Variants in LIPI observed in about 807,000 individuals in gnomAD.
LIPI encodes the protein lipase member I.
A neutral mutation model predicts 50.6 loss-of-function variants in LIPI; 59 were observed. The observed-to-expected ratio is 1.16, with a 90% CI of 0.94 to 1.45. The LOEUF (loss-of-function observed/expected upper bound fraction) is 1.45, where lower values mean the gene tolerates loss of function less well. LIPI is among the 40% of genes most tolerant of loss of function. LIPI has a pLI of 0.00. For synonymous variants in LIPI, 203 were observed against 178.2 expected (o/e 1.14, Z -1.11); for missense variants, 586 against 536.3 (o/e 1.09, Z -0.92).
At chr21:14,118,249 A>C (rs1394096229) in intron 9 of LIPI, among the ~76,000 whole-genome samples, 1 of 152,110 alleles carries the variant, frequency 6.6e-6, no homozygotes, top group East Asian at 1.9e-4. Context: ...TTAGGCCCCA[A>C]GGAGCCTATG....
chr21:14,146,606 C>T (rs1344599529), intron 8 of LIPI, among the ~76,000 whole-genome samples: 1 of 152,026 alleles, frequency 6.6e-6, no homozygotes, highest in Non-Finnish European at 1.5e-5. Context: ...AAAGAAAAAT[C>T]CAACTGTGGC....
chr21:14,172,320 G>T (rs2018942479), intron 4 of LIPI, among the ~76,000 whole-genome samples: 1 of 152,096 alleles, frequency 6.6e-6, no homozygotes, highest in African/African-American at 2.4e-5. Context: ...GATTCCTCAG[G>T]GATCTAGAAC....
intron 1 of LIPI, among the ~76,000 whole-genome samples, chr21:14,196,054 G>A (rs967359308): frequency 2.7e-5 from 4 of 147,854 alleles, no homozygotes; most frequent in South Asian, 2.1e-4. Flanking sequence ...TATATGACCC[G>A]AAAAATTAAC....
At chr21:14,128,462 T>G (rs1454640769) in intron 9 of LIPI, among the ~76,000 whole-genome samples, 1 of 152,102 alleles carries the variant, frequency 6.6e-6, no homozygotes, top group Admixed American at 6.5e-5. Flanking sequence ...CAACTCTGGA[T>G]TTCTATTTCT....
chr21:14,170,329 A>G (rs1225874071), intron 4 of LIPI, among the ~76,000 whole-genome samples: 1 of 152,200 alleles, frequency 6.6e-6, no homozygotes, highest in Non-Finnish European at 1.5e-5. Flanking sequence ...ATTCCAATCA[A>G]TAGAAAAAGA....
At chr21:14,120,557 T>C (rs113661954) in intron 9 of LIPI, among the ~76,000 whole-genome samples, 3 of 152,242 alleles carry the variant, frequency 2.0e-5, no homozygotes, top group African/African-American at 7.2e-5. Context: ...GAGGAAGTGA[T>C]GAGACTACAG....
intron 9 of LIPI, among the ~76,000 whole-genome samples, chr21:14,139,380 A>T (rs1385614961): frequency 6.6e-6 from 1 of 152,100 alleles, no homozygotes; most frequent in African/African-American, 2.4e-5. Flanking sequence ...ATAGCCTTCA[A>T]TTGGGTTTAA....
chr21:14,160,947 G>A (rs1022084783), intron 7 of LIPI, among the ~76,000 whole-genome samples: 43 of 151,342 alleles, frequency 2.8e-4, no homozygotes, highest in African/African-American at 8.2e-4. Context: ...GTCAGAATGC[G>A]TAAGAATTTT....
At chr21:14,176,435 A>G (rs1006974673) in intron 4 of LIPI, among the ~76,000 whole-genome samples, 2 of 151,850 alleles carry the variant, frequency 1.3e-5, no homozygotes, top group Non-Finnish European at 2.9e-5. Flanking sequence ...ACTCAAAACT[A>G]TACATTAACT....
intron 9 of LIPI, among the ~76,000 whole-genome samples, chr21:14,135,457 A>C (rs1484689006): frequency 2.0e-5 from 3 of 152,202 alleles, no homozygotes; most frequent in African/African-American, 4.8e-5. Context: ...CCCCATCCCC[A>C]GGAGTGGCGG....
At chr21:14,176,175 CAAA>C (rs35536134) in intron 4 of LIPI, among the ~76,000 whole-genome samples, 5 of 111,642 alleles carry the variant, frequency 4.5e-5, no homozygotes, top group Non-Finnish European at 5.6e-5. Context: ...GACTCCGTCT[CAAA>C]AAAAAAAAAA....
rs2016300153 is a variant in LIPI at position 14,109,017 on chromosome 21, G to A, written c.1359C>T (p.Asn453=). ...CTTATGTGTTCTTTGGTGTACATGT[G>A]TTTGGATTAAGAAACACTTCCTCTC... ...KDREEVFLNP[N]TCTPKNT The change falls in exon 10 of 10, where the codon AAC becomes AAT. Residue 453 remains asparagine, a synonymous_variant. Coordinates refer to ENST00000681601, the MANE Select transcript of LIPI (RefSeq NM_001302998.2). 5 of 1,606,324 alleles carry A rather than the reference G, an allele frequency of 3.1e-6. No homozygotes were observed. The highest frequency in any genetic ancestry group is 1.7e-4 in the Middle Eastern group (1 of 6,044).
chr21:14,114,554 A>G (rs970421708), intron 9 of LIPI, among the ~76,000 whole-genome samples: 4 of 152,324 alleles, frequency 2.6e-5, no homozygotes, highest in African/African-American at 9.6e-5. Context: ...CCACTCCAGC[A>G]GCTGCCTCTG....
chr21:14,134,230 AAAAAACAAAAC>A (rs2017407391), intron 9 of LIPI, among the ~76,000 whole-genome samples: 2 of 152,284 alleles, frequency 1.3e-5, no homozygotes, highest in African/African-American at 2.4e-5. Flanking sequence ...GATTCTGTCA[AAAAAACAAAAC>A]AAAAACAAAA....
intron 4 of LIPI, among the ~76,000 whole-genome samples, chr21:14,167,556 C>T (rs777706769): frequency 4.6e-5 from 7 of 152,140 alleles, no homozygotes; most frequent in Non-Finnish European, 8.8e-5. Context: ...TCGCAGTTCA[C>T]GAAAATCCAC....
At position 14,186,042 on chromosome 21, in the gene LIPI, G is replaced by T. The variant is rs115706095; in HGVS notation, c.460C>A (p.His154Asn). The T allele has an allele frequency of 6.2e-7, 1 of 1,602,052 alleles. No individual in the cohort carries two copies. The highest frequency in any genetic ancestry group is 1.3e-5 in the African/African-American group (1 of 74,834). The change falls in exon 3 of 10, where the codon CAT (histidine) becomes AAT (asparagine). Residue 154 changes from histidine (H) to asparagine (N), a missense_variant. Coordinates refer to ENST00000681601, the MANE Select transcript of LIPI (RefSeq NM_001302998.2). ...LKHGASLDNF[H>N]FIGVSLGAHI... ...GCCCCTAAGCTCACACCTATGAAATGAAAATTGTCAAGAGATGCACCATGC... is the reference window on the plus strand; with the variant it reads ...GCCCCTAAGCTCACACCTATGAAATTAAAATTGTCAAGAGATGCACCATGC...
intron 4 of LIPI, among the ~76,000 whole-genome samples, chr21:14,171,652 T>C (rs2018912248): frequency 6.6e-6 from 1 of 151,412 alleles, no homozygotes; most frequent in Non-Finnish European, 1.5e-5. Flanking sequence ...CTGGGAAAAC[T>C]GGCTAGCCAT....
chr21:14,206,977 G>T lies in LIPI; in HGVS notation c.46+3823C>A, dbSNP rs1175698409. The T allele has an allele frequency of 4.2e-6, 5 of 1,197,720 alleles. No individual in the cohort carries two copies. In the African/African-American group the frequency reaches 7.5e-5, roughly 18 times the overall value. 74.2% of individuals were successfully genotyped at this position (1,197,720 alleles called of 1,614,324 possible). On this transcript the variant is annotated intron_variant, in intron 1 of 9. Transcript: ENST00000681601. ...CTCTTTGTTTATTCATGTATAATAA[G>T]AAGGAAGACCCTTTTGGGCCAGCAG...
At chr21:14,147,518 T>C in intron 8 of LIPI, among the ~76,000 whole-genome samples, 1 of 152,184 alleles carries the variant, frequency 6.6e-6, no homozygotes, top group East Asian at 1.9e-4. Context: ...ATCGTTGTTT[T>C]ATTTTTATTA....
Sources: allele counts gnomAD v4.1 joint callset (sites outside exome capture counted in the v4.1 genomes callset), GRCh38; gene constraint gnomAD v4.1.1; transcripts MANE v1.5; gene names NCBI Gene and HGNC (gene_info 2026-07-23, HGNC 2026-07-21).